GMDS: variants seen among roughly 807,000 people sequenced by gnomAD.
GMDS encodes GDP-mannose 4,6-dehydratase, also known as GDP-mannose 4,6 dehydratase.
GMDS carries 20 observed loss-of-function variants against 49.9 expected under a neutral mutation model. That is an observed-to-expected ratio of 0.40 (90% CI 0.28 to 0.58). The LOEUF (loss-of-function observed/expected upper bound fraction) is 0.58, where lower values mean the gene tolerates loss of function less well. Among genes scored for constraint, GMDS ranks in the 20% least tolerant of loss-of-function variants. GMDS has a pLI of 0.42. For missense variants in GMDS, 362 were observed against 481.4 expected, an observed-to-expected ratio of 0.75 and a Z score of 2.32; for synonymous variants, 177 against 178.6, an observed-to-expected ratio of 0.99 and a Z score of 0.07.
At chr6:1,695,060 C>A (rs9392321) in intron 9 of GMDS, among the ~76,000 whole-genome samples, 78,088 of 151,776 alleles carry the variant, frequency 0.51, 21,499 homozygotes, top group Middle Eastern at 0.64. Flanking sequence ...ATATTTCTTT[C>A]TATGAGCAAA....
intron 1 of GMDS, among the ~76,000 whole-genome samples, chr6:2,236,180 T>C (rs1781349301): frequency 6.6e-6 from 1 of 152,352 alleles, no homozygotes; most frequent in Non-Finnish European, 1.5e-5. Context: ...TCAACTGTGG[T>C]GCATACCCAC....
intron 7 of GMDS, among the ~76,000 whole-genome samples, chr6:1,858,126 C>T (rs1296671923): frequency 6.6e-6 from 1 of 151,954 alleles, no homozygotes; most frequent in Non-Finnish European, 1.5e-5. Flanking sequence ...ATCCAATTAG[C>T]CTACAACTCC....
chr6:1,758,238 T>C lies in GMDS; in HGVS notation c.772-15652A>G, dbSNP rs147699847. 4.3e-3 allele frequency among the ~76,000 whole-genome samples: 662 copies of C among 152,342 alleles called. 7 individuals carry two copies. Among genetic ancestry groups the C allele is most frequent in the African/African-American group, 0.014 (594 of 41,574 alleles). ...CTCCACAGCACGGCTGGAGGAATAA[T>C]GGCCCCTCCTCCCTTCTTGGTCATT... On this transcript the variant is annotated intron_variant, in intron 7 of 10. Transcript: ENST00000380815.
At chr6:2,166,446 T>A (rs780763480) in intron 1 of GMDS, among the ~76,000 whole-genome samples, 8 of 152,176 alleles carry the variant, frequency 5.3e-5, no homozygotes, top group Non-Finnish European at 8.8e-5. Flanking sequence ...CAAAACAGCA[T>A]GTAAGAATAT....
chr6:1,639,014 C>T (rs1346124089), intron 9 of GMDS, among the ~76,000 whole-genome samples: 1 of 152,186 alleles, frequency 6.6e-6, no homozygotes, highest in Non-Finnish European at 1.5e-5. Context: ...AGCCCAGAAG[C>T]TCAAGGTCAG....
chr6:1,998,895 A>C (rs997011111), intron 4 of GMDS, among the ~76,000 whole-genome samples: 2 of 152,248 alleles, frequency 1.3e-5, no homozygotes, highest in Admixed American at 6.5e-5. Context: ...AAACAAAAAG[A>C]CTCAGAAATT....
At chr6:1,627,357 G>C (rs1762875839) in intron 9 of GMDS, among the ~76,000 whole-genome samples, 1 of 152,202 alleles carries the variant, frequency 6.6e-6, no homozygotes, top group South Asian at 2.1e-4. Flanking sequence ...TCTAGAAGGA[G>C]AGCAAGGATG....
intron 7 of GMDS, among the ~76,000 whole-genome samples, chr6:1,781,392 G>T (rs373066658): frequency 1.3e-5 from 2 of 152,216 alleles, no homozygotes; most frequent in Admixed American, 1.3e-4. Flanking sequence ...TCTCGCTGGC[G>T]TGGGTTTCTG....
At chr6:1,784,724 T>C (rs1212797877) in intron 7 of GMDS, among the ~76,000 whole-genome samples, 1 of 152,186 alleles carries the variant, frequency 6.6e-6, no homozygotes. Flanking sequence ...TGCTTCACAG[T>C]GTGGCTGGCT....
intron 7 of GMDS, among the ~76,000 whole-genome samples, chr6:1,794,594 G>A (rs1769666470): frequency 2.0e-5 from 3 of 152,162 alleles, no homozygotes; most frequent in Admixed American, 2.0e-4. Flanking sequence ...ACACAGTAGG[G>A]TTAACACTGT....
At chr6:1,906,585 T>TA (rs1760786683) in intron 7 of GMDS, among the ~76,000 whole-genome samples, 1 of 152,220 alleles carries the variant, frequency 6.6e-6, no homozygotes, top group African/African-American at 2.4e-5. Context: ...ATCTCTATGA[T>TA]ACTCTAGTTT....
intron 7 of GMDS, among the ~76,000 whole-genome samples, chr6:1,788,956 G>A (rs775654935): frequency 7.9e-5 from 12 of 152,048 alleles, no homozygotes; most frequent in African/African-American, 2.9e-4. Flanking sequence ...CACCAGCCCC[G>A]GTTTGCGGGT....
chr6:1,889,106 T>A (rs1175703391), intron 7 of GMDS, among the ~76,000 whole-genome samples: 1 of 152,194 alleles, frequency 6.6e-6, no homozygotes, highest in Non-Finnish European at 1.5e-5. Context: ...TATTGTAGAA[T>A]CCATGGATGC....
At position 1,649,372 on chromosome 6, in the gene GMDS, A is replaced by G. The variant is rs181066774; in HGVS notation, c.988-24832T>C. 2.0e-3 allele frequency among the ~76,000 whole-genome samples: 308 copies of G among 152,326 alleles called. 2 individuals carry two copies. The highest frequency in any genetic ancestry group is 7.1e-3 in the African/African-American group (295 of 41,574). On this transcript the variant is annotated intron_variant, in intron 9 of 10. Coordinates refer to ENST00000380815, the MANE Select transcript of GMDS (RefSeq NM_001500.4). ...GGTCAATGACTTGCCTTTAGTTCAA[A>G]TTGAGGTCAGAATATCTGATAATTT... is the stretch of plus-strand genomic sequence containing the variant.
At chr6:1,663,802 C>T (rs532541272) in intron 9 of GMDS, among the ~76,000 whole-genome samples, 17 of 152,290 alleles carry the variant, frequency 1.1e-4, no homozygotes, top group Non-Finnish European at 2.1e-4. Flanking sequence ...ATCAGAGAGG[C>T]CTTCCTTGAT....
At chr6:2,171,681 T>A (rs915604104) in intron 1 of GMDS, among the ~76,000 whole-genome samples, 2 of 152,150 alleles carry the variant, frequency 1.3e-5, no homozygotes, top group African/African-American at 4.8e-5. Flanking sequence ...ATCATCATCC[T>A]AAGGACTCAG....
chr6:1,803,573 C>CAAAT (rs559782204), intron 7 of GMDS, among the ~76,000 whole-genome samples: 6,271 of 151,436 alleles, frequency 0.041, 195 homozygotes, highest in Non-Finnish European at 0.064. Flanking sequence ...TTCCCGTCCC[C>CAAAT]AAATAAATAA....
chr6:1,796,527 T>C (rs1769741220), intron 7 of GMDS, among the ~76,000 whole-genome samples: 1 of 152,168 alleles, frequency 6.6e-6, no homozygotes, highest in South Asian at 2.1e-4. Context: ...GATCAAGTCA[T>C]GTTTGGGAGC....
intron 7 of GMDS, among the ~76,000 whole-genome samples, chr6:1,827,079 T>TGTGA (rs903120627): frequency 8.7e-4 from 1 of 1,148 alleles, no homozygotes; most frequent in Non-Finnish European, 1.6e-3. Context: ...AAAATATATA[T>TGTGA]GTGTGTGTGT....
Sources: allele counts gnomAD v4.1 joint callset (sites outside exome capture counted in the v4.1 genomes callset), GRCh38; gene constraint gnomAD v4.1.1; transcripts MANE v1.5; gene names NCBI Gene and HGNC (gene_info 2026-07-23, HGNC 2026-07-21).